TLN1: variants seen among roughly 807,000 people sequenced by gnomAD.
The protein encoded by TLN1 is talin-1.
In TLN1, 56 loss-of-function variants were observed where a neutral mutation model predicts 292.3. That is an observed-to-expected ratio of 0.19 (90% confidence interval 0.15 to 0.24). TLN1 has a LOEUF of 0.24. Ranked by LOEUF, TLN1 falls within the 10% of genes least tolerant of loss-of-function variation. The pLI, the probability that TLN1 is intolerant of heterozygous loss-of-function variation, is 1.00. For missense variants in TLN1, 2,433 were observed against 3,248.2 expected (o/e 0.75, Z 6.10); for synonymous variants, 1,119 against 1,253.7 (o/e 0.89, Z 2.27).
At chr9:35,710,222 CAAAAA>C (rs68036045) in intron 33 of TLN1, among the ~76,000 whole-genome samples, 6 of 67,262 alleles carry the variant, frequency 8.9e-5, no homozygotes, top group East Asian at 3.9e-4. Flanking sequence ...AACGCTGTCT[CAAAAA>C]AAAAAAAAAA....
At chr9:35,711,173 T>C (rs1825661497) in intron 30 of TLN1, 82 bp downstream of exon 30, 1 of 1,610,306 alleles carries the variant, frequency 6.2e-7, no homozygotes, top group African/African-American at 1.3e-5. Context: ...TAACCATTCC[T>C]AAGCCAAGAA....
chr9:35,703,064 G>A (rs1825494262), intron 48 of TLN1, among the ~76,000 whole-genome samples: 1 of 152,032 alleles, frequency 6.6e-6, no homozygotes, highest in African/African-American at 2.4e-5. Flanking sequence ...ACTTTGGGAG[G>A]CCAAGGCGGG....
rs199761062 is a variant in TLN1, at chr9:35,720,014, A to G, written c.1464+25T>C. On this transcript the variant is annotated intron_variant, in intron 13 of 56. Transcript: ENST00000314888. ...CTGAGGGTGAGAGAAGGGCCCTGGC[A>G]CCGTGGTGGAAGTGGGACACTTACC... 711 of 1,577,640 alleles carry G rather than the reference A, an allele frequency of 4.5e-4. 2 individuals are homozygous for G. Among genetic ancestry groups the G allele is most frequent in the Non-Finnish European group, 5.5e-4 (642 of 1,161,272 alleles).
At chr9:35,730,587 G>T (rs1293284371) in intron 1 of TLN1, among the ~76,000 whole-genome samples, 1 of 152,118 alleles carries the variant, frequency 6.6e-6, no homozygotes, top group African/African-American at 2.4e-5. Context: ...AATTTAAAAT[G>T]ATGGGAAAGC....
intron 33 of TLN1, among the ~76,000 whole-genome samples, chr9:35,709,886 CAAA>C (rs546437173): frequency 6.2e-4 from 8 of 12,864 alleles, no homozygotes; most frequent in African/African-American, 2.2e-3. Flanking sequence ...AACTCGGTCT[CAAA>C]AAAAAAAAAA....
At chr9:35,709,186 T>C (rs573160114) in intron 33 of TLN1, among the ~76,000 whole-genome samples, 202 of 151,954 alleles carry the variant, frequency 1.3e-3, no homozygotes, top group Non-Finnish European at 2.1e-3. Context: ...TCCCAGCTAC[T>C]CGGGAGGCTG....
Position 35,700,005 on chromosome 9 carries a change from C to A in TLN1, c.6737G>T (p.Gly2246Val). The A allele has an allele frequency of 6.2e-7, 1 of 1,613,328 alleles. No individual in the cohort carries two copies. The change falls in exon 50 of 57, where the codon GGC becomes GTC. Residue 2246 changes from glycine (G) to valine (V), a missense_variant. Coordinates refer to ENST00000314888, the MANE Select transcript of TLN1 (RefSeq NM_006289.4). ...TACATGGTCCAGCAGTTCCAGGTAG[C>A]CATTGGCACACTCCCGGCCATAGTG... ...ALHYGRECANGYLELLDHVLL... is the reference protein window; with the variant it reads ...ALHYGRECANVYLELLDHVLL...
chr9:35,720,768 G>A lies in TLN1; in HGVS notation c.1206+44C>T, dbSNP rs766370318. On this transcript the variant is annotated intron_variant, in intron 11 of 56. Transcript: ENST00000314888. Reference sequence around the variant, plus strand: ...TTTCTAAAGGACTGGCTTGTGGAGAGGGCAAGAGGCGATAAGGAGAAGGCT... The same window carrying A: ...TTTCTAAAGGACTGGCTTGTGGAGAAGGCAAGAGGCGATAAGGAGAAGGCT... 4 of 1,564,978 alleles carry A rather than the reference G, an allele frequency of 2.6e-6. No homozygotes were observed. In the South Asian group the frequency reaches 4.4e-5, roughly 17 times the overall value.
chr9:35,725,211 A>G lies in TLN1; in HGVS notation c.228+13T>C. On this transcript the variant is annotated intron_variant, in intron 3 of 56. Transcript: ENST00000314888. ...GAAGGGGATGTGGTGGTCCTTGATGAAAGGATACTTACCCCATTTCGGAGC... is the reference window on the plus strand; with the variant it reads ...GAAGGGGATGTGGTGGTCCTTGATGGAAGGATACTTACCCCATTTCGGAGC... 6.2e-7 allele frequency: 1 copy of G among 1,613,878 alleles called. No homozygotes were observed. Among genetic ancestry groups the G allele is most frequent in the Non-Finnish European group, 8.5e-7 (1 of 1,179,774 alleles).
At chr9:35,731,609 A>G (rs943724827) in intron 1 of TLN1, among the ~76,000 whole-genome samples, 4 of 152,160 alleles carry the variant, frequency 2.6e-5, no homozygotes, top group African/African-American at 9.7e-5. Flanking sequence ...ATTATGACGT[A>G]TGATGGCCAT....
At position 35,698,983 on chromosome 9, in the gene TLN1, T is replaced by C. The variant is rs1563937398; in HGVS notation, c.6999+49A>G. On this transcript the variant is annotated intron_variant, in intron 52 of 56. Transcript: ENST00000314888. The surrounding 1 kb of genome is among the most constrained non-coding windows in gnomAD (Gnocchi z 5.3). ...AGAGATGTAAAGTCAGAGATGAAGG[T>C]GGGGACACTGCCATGGTGAGGGTGG... 2.5e-6 allele frequency: 4 copies of C among 1,609,508 alleles called. No individual in the cohort carries two copies. The highest frequency in any genetic ancestry group is 3.4e-6 in the Non-Finnish European group (4 of 1,176,258).
At chr9:35,723,555 C>G (rs192083663) in intron 7 of TLN1, 2 of 231,106 alleles carry the variant, frequency 8.7e-6, no homozygotes, top group Non-Finnish European at 1.7e-5. Flanking sequence ...GATGAACATG[C>G]ACTTAGGAAG....
In TLN1 at chr9:35,698,074, C is replaced by T; in HGVS notation, c.7470G>A (p.Val2490=). ...CAATGCCGCCAACCATCTTCTCTTT[C>T]ACCACCACTGTCTCATTCTCCTGCT... is the stretch of plus-strand genomic sequence containing the variant. The part of the protein sequence containing the change: ...FEEQENETVV[V]KEKMVGGIAQ... Residue 2490 remains valine (V), a synonymous_variant, in exon 56 of 57, where the codon GTG becomes GTA. Transcript: ENST00000314888. The surrounding 1 kb of genome is among the most constrained non-coding windows in gnomAD (Gnocchi z 5.3). The T allele has an allele frequency of 6.2e-7, 1 of 1,614,188 alleles. No individual in the cohort carries two copies. The highest frequency in any genetic ancestry group is 8.5e-7 in the Non-Finnish European group (1 of 1,180,038).
rs528252926 is a variant in TLN1 at position 35,706,600 on chromosome 9, C to T, written c.5089-49G>A. On this transcript the variant is annotated intron_variant, in intron 38 of 56. Transcript: ENST00000314888. The surrounding 1 kb of genome is among the most constrained non-coding windows in gnomAD (Gnocchi z 4.2). ...CCTGATGGTGACCTGCAATAGGACC[C>T]TCTGGCTACAAAGAACTGCTCTTCT... is the stretch of plus-strand genomic sequence containing the variant. 8.7e-6 allele frequency: 14 copies of T among 1,603,270 alleles called. No homozygotes were observed. In the South Asian group the frequency reaches 1.1e-4, roughly 13 times the overall value.
In TLN1 at chr9:35,720,022, G is replaced by A; in HGVS notation, c.1464+17C>T. ...GAGAGAAGGGCCCTGGCACCGTGGT[G>A]GAAGTGGGACACTTACCAGAGGAGG... On this transcript the variant is annotated intron_variant, in intron 13 of 56. Transcript: ENST00000314888. 6.3e-7 allele frequency: 1 copy of A among 1,577,826 alleles called. No individual in the cohort carries two copies. The highest frequency in any genetic ancestry group is 8.6e-7 in the Non-Finnish European group (1 of 1,161,144).
At chr9:35,728,176 C>G (rs964768400) in intron 1 of TLN1, among the ~76,000 whole-genome samples, 84 of 152,070 alleles carry the variant, frequency 5.5e-4, no homozygotes, top group African/African-American at 2.0e-3. Context: ...CAAATCCCAG[C>G]AAGGAATGGA....
chr9:35,698,110 T>A lies in TLN1; in HGVS notation c.7434A>T (p.Ala2478=). ...TCTCATTCTCCTGCTCTTCAAAGGC[T>A]GCAGCCTTCTGTGCTGCTTTCACCA... ...DNLVKAAQKA[A]AFEEQENETV... The change falls in exon 56 of 57, where the codon GCA becomes GCT. Residue 2478 remains alanine (A), a synonymous_variant. Coordinates refer to ENST00000314888, the MANE Select transcript of TLN1 (RefSeq NM_006289.4). This position sits in a 1 kb window ranked among gnomAD's most constrained non-coding sequence, Gnocchi z 5.3. 1.2e-6 allele frequency: 2 copies of A among 1,614,138 alleles called. No individual in the cohort carries two copies. Among genetic ancestry groups the A allele is most frequent in the Non-Finnish European group, 8.5e-7 (1 of 1,180,048 alleles).
At position 35,703,691 on chromosome 9, in the gene TLN1, G is replaced by A. The variant is rs767387395; in HGVS notation, c.6358-15C>T. ...GTCACCATCACCTGGAGGTATCAGA[G>A]GAGTGAAGAGGAATGATTTTAAGGA... is the stretch of plus-strand genomic sequence containing the variant. On this transcript the variant is annotated splice_polypyrimidine_tract_variant and intron_variant, in intron 47 of 56. Transcript: ENST00000314888. 2 of 1,614,198 alleles carry A rather than the reference G, an allele frequency of 1.2e-6. No homozygotes were observed. The highest frequency in any genetic ancestry group is 1.3e-5 in the African/African-American group (1 of 75,056).
chr9:35,707,567 T>C lies in TLN1; in HGVS notation c.4633-79A>G. Reference sequence around the variant, plus strand: ...GGAAGTGAAGTCCAGGTCTCCTTCCTGGGACTTACAGGATTTGGGGAGAGG... The same window carrying C: ...GGAAGTGAAGTCCAGGTCTCCTTCCCGGGACTTACAGGATTTGGGGAGAGG... On this transcript the variant is annotated intron_variant, in intron 35 of 56. Coordinates refer to ENST00000314888, the MANE Select transcript of TLN1 (RefSeq NM_006289.4). The surrounding 1 kb of genome is among the most constrained non-coding windows in gnomAD (Gnocchi z 5.6). The C allele has an allele frequency of 1.9e-6, 3 of 1,584,730 alleles. No individual in the cohort carries two copies. The South Asian group carries it at 3.4e-5, about 18-fold the overall frequency.
Sources: gnomAD v4.1 joint callset for allele counts (sites outside exome capture counted in the v4.1 genomes callset) on GRCh38, gnomAD v4.1.1 for gene constraint, Gnocchi (gnomAD v3.1) non-coding constraint, MANE v1.5 for transcripts, NCBI Gene and HGNC (gene_info 2026-07-23, HGNC 2026-07-21) for gene names.